RNLS: variants seen among roughly 807,000 people sequenced by gnomAD.
The protein encoded by RNLS is renalase.
RNLS carries 39 observed loss-of-function variants against 39.8 expected under a neutral mutation model. The observed-to-expected ratio is 0.98, with a 90% CI of 0.76 to 1.28. The LOEUF (loss-of-function observed/expected upper bound fraction) is 1.28. Among genes scored for constraint, RNLS ranks in the 50% most tolerant of loss-of-function variants. The pLI, the probability that RNLS is intolerant of heterozygous loss-of-function variation, is 0.00. For missense variants in RNLS, 410 were observed against 413.3 expected (o/e 0.99, Z 0.07); for synonymous variants, 147 against 150.7 (o/e 0.98, Z 0.18).
the RNLS span, among the ~76,000 whole-genome samples, chr10:88,256,632 T>C: frequency 6.6e-6 from 1 of 152,218 alleles, no homozygotes; most frequent in Non-Finnish European, 1.5e-5. Flanking sequence ...ACATGGAGGC[T>C]GTATCTTGGG....
At chr10:88,414,158 G>A (rs1382128348) in intron 4 of RNLS, among the ~76,000 whole-genome samples, 1 of 151,670 alleles carries the variant, frequency 6.6e-6, no homozygotes, top group African/African-American at 2.4e-5. Context: ...GTGGTCTTCT[G>A]TTAACTTGTC....
At chr10:88,194,938 G>A in the RNLS span, among the ~76,000 whole-genome samples, 4 of 152,158 alleles carry the variant, frequency 2.6e-5, no homozygotes, top group African/African-American at 7.2e-5. Context: ...TAGCTTAAGT[G>A]CTTCCTAAAG....
chr10:88,247,777 C>T, the RNLS span, among the ~76,000 whole-genome samples: 3 of 152,030 alleles, frequency 2.0e-5, no homozygotes, highest in African/African-American at 7.3e-5. Flanking sequence ...CTGGGTAGGC[C>T]CAATATAATC....
intron 4 of RNLS, among the ~76,000 whole-genome samples, chr10:88,423,088 C>G (rs532128417): frequency 1.4e-4 from 22 of 152,232 alleles, no homozygotes; most frequent in African/African-American, 5.3e-4. Flanking sequence ...CGAAATGCAA[C>G]AAACAATAGT....
At chr10:88,410,035 G>C (rs1230841722) in intron 4 of RNLS, among the ~76,000 whole-genome samples, 2 of 152,054 alleles carry the variant, frequency 1.3e-5, no homozygotes, top group African/African-American at 2.4e-5. Flanking sequence ...ATGAATGTGT[G>C]GCTGTGTTCA....
chr10:88,217,816 G>T, the RNLS span, among the ~76,000 whole-genome samples: 1 of 149,954 alleles, frequency 6.7e-6, no homozygotes, highest in African/African-American at 2.5e-5. Context: ...AAAGCGGGTG[G>T]ATCACCTGAG....
At chr10:88,406,350 G>C (rs1853270490) in intron 4 of RNLS, among the ~76,000 whole-genome samples, 1 of 151,998 alleles carries the variant, frequency 6.6e-6, no homozygotes, top group Non-Finnish European at 1.5e-5. Flanking sequence ...TCTTCCTCAG[G>C]AACATTGATT....
intron 4 of RNLS, among the ~76,000 whole-genome samples, chr10:88,375,336 G>C (rs1256150477): frequency 6.6e-6 from 1 of 152,144 alleles, no homozygotes; most frequent in East Asian, 1.9e-4. Context: ...CTATGAACTA[G>C]TAAGAGTTCC....
chr10:88,309,826 A>ACTC (rs1188803478), intron 6 of RNLS, among the ~76,000 whole-genome samples: 1 of 152,208 alleles, frequency 6.6e-6, no homozygotes, highest in Non-Finnish European at 1.5e-5. Context: ...AAGGAATGAG[A>ACTC]AGAGAGCTTT....
At chr10:88,400,741 C>T (rs1213580356) in intron 4 of RNLS, among the ~76,000 whole-genome samples, 2 of 151,788 alleles carry the variant, frequency 1.3e-5, no homozygotes, top group East Asian at 1.9e-4. Flanking sequence ...ATTTTAAGTA[C>T]CCAAGCATCA....
At chr10:88,520,408 A>AT (rs1387945891) in intron 4 of RNLS, among the ~76,000 whole-genome samples, 1 of 151,928 alleles carries the variant, frequency 6.6e-6, no homozygotes, top group Non-Finnish European at 1.5e-5. Context: ...TCTCTTGTGA[A>AT]TTGTCTTCTG....
At chr10:88,482,529 A>G (rs1844249897) in intron 4 of RNLS, among the ~76,000 whole-genome samples, 1 of 152,006 alleles carries the variant, frequency 6.6e-6, no homozygotes, top group African/African-American at 2.4e-5. Flanking sequence ...CCCCTCATTG[A>G]GATTTATTAC....
chr10:88,520,478 G>C (rs1263964458), intron 4 of RNLS, among the ~76,000 whole-genome samples: 1 of 151,924 alleles, frequency 6.6e-6, no homozygotes, highest in Non-Finnish European at 1.5e-5. Context: ...TGGGTGACAG[G>C]GCTGGCTTAG....
chr10:88,475,775 G>T (rs1414643246), intron 4 of RNLS, among the ~76,000 whole-genome samples: 2 of 151,720 alleles, frequency 1.3e-5, no homozygotes, highest in African/African-American at 2.4e-5. Context: ...TTTTAATTAA[G>T]AAAATACAAA....
chr10:88,203,409 TATAC>T, the RNLS span, among the ~76,000 whole-genome samples: 7 of 4,686 alleles, frequency 1.5e-3, 1 homozygote, highest in African/African-American at 2.8e-3. Flanking sequence ...TATATATATA[TATAC>T]ACGTATGTGT....
At chr10:88,343,428 A>T in intron 5 of RNLS, 1 of 627,460 alleles carries the variant, frequency 1.6e-6, no homozygotes, top group Non-Finnish European at 2.0e-6. Context: ...CAAAAATGGG[A>T]AAGATGGGGG....
Position 88,424,627 on chromosome 10 carries a change from T to C in RNLS, c.527-61902A>G, listed in dbSNP as rs534939994. ...ACAAATGGGACTTGATTCTCCTTTA[T>C]GGATATACAATCAAAGGCAAATGTC... On this transcript the variant is annotated intron_variant, in intron 4 of 6. Coordinates refer to ENST00000331772, the MANE Select transcript of RNLS (RefSeq NM_001031709.3). Among the ~76,000 whole-genome samples the C allele has an allele frequency of 8.6e-4, 131 of 152,278 alleles. 3 individuals carry two copies. The South Asian group carries it at 0.017, about 19-fold the overall frequency.
At chr10:88,247,704 G>A in the RNLS span, among the ~76,000 whole-genome samples, 1 of 152,206 alleles carries the variant, frequency 6.6e-6, no homozygotes, top group African/African-American at 2.4e-5. Context: ...ATGCTACCTG[G>A]CAAGCAGGTT....
intron 4 of RNLS, among the ~76,000 whole-genome samples, chr10:88,495,010 G>A (rs950196488): frequency 3.3e-5 from 5 of 152,078 alleles, no homozygotes; most frequent in East Asian, 3.9e-4. Flanking sequence ...ACTTAGATTC[G>A]CCTCTAATTC....
Sources: gnomAD v4.1 joint callset for allele counts (sites outside exome capture counted in the v4.1 genomes callset) on GRCh38, gnomAD v4.1.1 for gene constraint, MANE v1.5 for transcripts, NCBI Gene and HGNC (gene_info 2026-07-23, HGNC 2026-07-21) for gene names.